The following ANO5 variants were observed in gnomAD, a reference collection of about 807,000 sequenced individuals.
The protein encoded by ANO5 is anoctamin 5.
In ANO5, 109 loss-of-function variants were observed where a neutral mutation model predicts 121.0. The ratio of observed to expected loss-of-function variants is 0.90; its 90% CI spans 0.77 to 1.06. ANO5 has a LOEUF of 1.06. ANO5 is among the 50% of genes least tolerant of loss of function. The pLI is 0.00. For synonymous variants in ANO5, 406 were observed against 359.9 expected (o/e 1.13, Z -1.45); for missense variants, 1,064 against 1,078.5 (o/e 0.99, Z 0.19).
chr11:22,210,028 C>G (rs570200734), intron 2 of ANO5, among the ~76,000 whole-genome samples: 5 of 152,030 alleles, frequency 3.3e-5, no homozygotes, highest in Admixed American at 2.6e-4. Flanking sequence ...TCAAGATACT[C>G]ATTCACTTCA....
At chr11:22,196,464 T>C (rs1851813243) in intron 1 of ANO5, among the ~76,000 whole-genome samples, 1 of 151,626 alleles carries the variant, frequency 6.6e-6, no homozygotes, top group African/African-American at 2.4e-5. Context: ...ATTTAAACCA[T>C]AGCACTAAGA....
At chr11:22,209,265 A>T (rs1351368335) in intron 2 of ANO5, among the ~76,000 whole-genome samples, 1 of 151,932 alleles carries the variant, frequency 6.6e-6, no homozygotes, top group Admixed American at 6.6e-5. Flanking sequence ...ATGCATGTGA[A>T]TTAAACATGC....
At chr11:22,237,486 G>T (rs1853262269) in intron 8 of ANO5, among the ~76,000 whole-genome samples, 1 of 152,114 alleles carries the variant, frequency 6.6e-6, no homozygotes, top group South Asian at 2.1e-4. Context: ...CGTCTCCCGG[G>T]TTCAAGCAAT....
chr11:22,232,050 G>T (rs958026973), intron 7 of ANO5, among the ~76,000 whole-genome samples: 2 of 151,896 alleles, frequency 1.3e-5, no homozygotes, highest in Non-Finnish European at 2.9e-5. Flanking sequence ...TGTCTCCTCT[G>T]CAGAGATAGA....
chr11:22,233,981 TG>T (rs199859298), intron 7 of ANO5, among the ~76,000 whole-genome samples: 1,740 of 152,208 alleles, frequency 0.011, 34 homozygotes, highest in African/African-American at 0.039. Flanking sequence ...AGGATAACAC[TG>T]GCAAAGCCGT....
chr11:22,194,048 C>T (rs1214808739), intron 1 of ANO5, among the ~76,000 whole-genome samples: 1 of 152,140 alleles, frequency 6.6e-6, no homozygotes, highest in Non-Finnish European at 1.5e-5. Context: ...AGTAGCAGAT[C>T]CTAAAATCTA....
intron 14 of ANO5, among the ~76,000 whole-genome samples, chr11:22,258,248 T>C (rs1284523707): frequency 1.3e-5 from 2 of 152,228 alleles, no homozygotes; most frequent in Non-Finnish European, 2.9e-5. Context: ...TTGTAGACTA[T>C]AGTTTAGACT....
At chr11:22,229,922 A>G (rs1469699610) in intron 7 of ANO5, among the ~76,000 whole-genome samples, 1 of 151,958 alleles carries the variant, frequency 6.6e-6, no homozygotes, top group Non-Finnish European at 1.5e-5. Flanking sequence ...GGATATACAA[A>G]CTGAATAATA....
intron 21 of ANO5, 99 bp downstream of exon 21, chr11:22,276,298 A>AAACT (rs1474158739): frequency 2.1e-6 from 2 of 962,022 alleles, no homozygotes; most frequent in African/African-American, 3.2e-5. Context: ...ATATCTCAGT[A>AAACT]AACTGTCTTG....
intron 9 of ANO5, among the ~76,000 whole-genome samples, chr11:22,244,039 GTGT>G (rs1377348490): frequency 1.3e-5 from 2 of 151,902 alleles, no homozygotes; most frequent in Non-Finnish European, 2.9e-5. Flanking sequence ...GTGATAGCAG[GTGT>G]TGTTCTTTCA....
At chr11:22,209,680 G>A (rs1234033144) in intron 2 of ANO5, among the ~76,000 whole-genome samples, 1 of 151,830 alleles carries the variant, frequency 6.6e-6, no homozygotes, top group African/African-American at 2.4e-5. Flanking sequence ...TTCTTAGTAA[G>A]AAATGAGACA....
intron 7 of ANO5, among the ~76,000 whole-genome samples, chr11:22,231,104 G>A (rs10833724): frequency 0.14 from 20,665 of 151,846 alleles, 4,084 homozygotes; most frequent in African/African-American, 0.43. Context: ...GCTGAGAACT[G>A]CATGATTCAC....
chr11:22,235,155 T>G (rs1006859489), intron 7 of ANO5, among the ~76,000 whole-genome samples: 10 of 148,784 alleles, frequency 6.7e-5, no homozygotes, highest in Admixed American at 2.7e-4. Context: ...TAAATTCAGG[T>G]TTTTTTTTAA....
intron 7 of ANO5, 47 bp downstream of exon 7, chr11:22,227,633 A>G (rs1392027891): frequency 6.3e-7 from 1 of 1,595,296 alleles, no homozygotes; most frequent in Non-Finnish European, 8.6e-7. Context: ...TACGAGATGT[A>G]TGCTTGTGTG....
At chr11:22,251,485 TTCCC>T (rs1853815137) in intron 12 of ANO5, among the ~76,000 whole-genome samples, 1 of 152,186 alleles carries the variant, frequency 6.6e-6, no homozygotes, top group Non-Finnish European at 1.5e-5. Context: ...AGAATGGAAT[TTCCC>T]TTAACTTTGA....
chr11:22,279,699 T>G lies in ANO5; in HGVS notation c.2676T>G (p.Ser892=), dbSNP rs2133811345. 6.2e-7 allele frequency: 1 copy of G among 1,612,896 alleles called. No homozygotes were observed. The highest frequency in any genetic ancestry group is 1.1e-5 in the South Asian group (1 of 91,048). ...TAAAAGAGAACTTGGGAATTAATTC[T>G]AATGAATTTGCCAAGCATGTCATGA... ...NKLKENLGIN[S]NEFAKHVMIE... Residue 892 remains serine, a synonymous_variant, in exon 22 of 22, where the codon TCT becomes TCG. Transcript: ENST00000324559.
At chr11:22,246,502 T>C (rs1007585144) in intron 9 of ANO5, among the ~76,000 whole-genome samples, 2 of 151,980 alleles carry the variant, frequency 1.3e-5, no homozygotes, top group African/African-American at 4.8e-5. Context: ...CCTTGTTGAT[T>C]TCATGGGTTT....
chr11:22,237,880 G>A (rs887174258), intron 8 of ANO5, among the ~76,000 whole-genome samples: 1 of 151,944 alleles, frequency 6.6e-6, no homozygotes, highest in Non-Finnish European at 1.5e-5. Context: ...CAAAATCCCA[G>A]CATGATCAAG....
intron 2 of ANO5, among the ~76,000 whole-genome samples, chr11:22,207,650 A>T (rs1852158400): frequency 6.6e-6 from 1 of 152,120 alleles, no homozygotes; most frequent in East Asian, 1.9e-4. Context: ...GCAAACAAAA[A>T]CATTATTAAT....
Sources: allele counts gnomAD v4.1 joint callset (sites outside exome capture counted in the v4.1 genomes callset), GRCh38; gene constraint gnomAD v4.1.1; transcripts MANE v1.5; gene names NCBI Gene and HGNC (gene_info 2026-07-23, HGNC 2026-07-21).